The following FREM1 variants were observed in gnomAD, a reference collection of about 807,000 sequenced individuals.
FREM1 encodes the protein FRAS1-related extracellular matrix protein 1.
FREM1 carries 220 observed loss-of-function variants against 210.1 expected under a neutral mutation model. The observed-to-expected ratio is 1.05, with a 90% CI of 0.94 to 1.17. The LOEUF (loss-of-function observed/expected upper bound fraction) is 1.17, where lower values mean the gene tolerates loss of function less well. Among genes scored for constraint, FREM1 ranks in the 50% most tolerant of loss-of-function variants. The pLI is 0.00. For synonymous variants in FREM1, 1,189 were observed against 980.2 expected (o/e 1.21, Z -3.98); for missense variants, 3,454 against 2,675.5 (o/e 1.29, Z -6.42).
At chr9:14,774,063 A>T (rs137924956) in intron 25 of FREM1, 1 of 516,772 alleles carries the variant, frequency 1.9e-6, no homozygotes, top group Non-Finnish European at 3.9e-6. Context: ...AGTGCTTCTT[A>T]CTGTGTTCAC....
At position 14,746,820 on chromosome 9, in the gene FREM1, G is replaced by T. The variant is rs774185315; in HGVS notation, c.6138+103C>A. The T allele has an allele frequency of 2.2e-6, 3 of 1,340,582 alleles. No individual in the cohort carries two copies. In the South Asian group the frequency reaches 4.7e-5, roughly 21 times the overall value. 83.0% of individuals were successfully genotyped at this position (1,340,582 alleles called of 1,614,324 possible). On this transcript the variant is annotated intron_variant, in intron 34 of 36. Transcript: ENST00000380880. ...TTCAAGTTGTTAACAATGGCAGGAAGATGTAGCATGGGTTGAGTCATGCAC... is the reference window on the plus strand; with the variant it reads ...TTCAAGTTGTTAACAATGGCAGGAATATGTAGCATGGGTTGAGTCATGCAC...
At chr9:14,749,542 C>A (rs1442518021) in intron 30 of FREM1, among the ~76,000 whole-genome samples, 2 of 152,146 alleles carry the variant, frequency 1.3e-5, no homozygotes, top group African/African-American at 4.8e-5. Context: ...GGAAAAAAAT[C>A]AGAGCACCAA....
intron 1 of FREM1, among the ~76,000 whole-genome samples, chr9:14,883,515 G>A (rs1306189016): frequency 6.6e-6 from 1 of 152,130 alleles, no homozygotes; most frequent in Non-Finnish European, 1.5e-5. Context: ...TGGCATGGGA[G>A]GGGAAAGAGA....
In FREM1 at chr9:14,838,083, T is replaced by C. The variant is rs568465645; in HGVS notation, c.1881+3364A>G. On this transcript the variant is annotated intron_variant, in intron 10 of 36. Coordinates refer to ENST00000380880, the MANE Select transcript of FREM1 (RefSeq NM_001379081.2). ...GTGGCTGAGCTGAAGTTCTAGCCTT[T>C]TTTATGTCATAGAAAAAGCTTAATC... Among the ~76,000 whole-genome samples, 9 of 152,338 alleles carry C rather than the reference T, an allele frequency of 5.9e-5. No individual in the cohort carries two copies. In the South Asian group the frequency reaches 1.9e-3, roughly 32 times the overall value.
chr9:14,742,313 G>A (rs1443920696), intron 35 of FREM1, among the ~76,000 whole-genome samples: 3 of 152,040 alleles, frequency 2.0e-5, no homozygotes, highest in African/African-American at 7.2e-5. Flanking sequence ...GGCCAGCAGG[G>A]GTTCCAGACA....
chr9:14,883,510 T>C (rs980136209), intron 1 of FREM1, among the ~76,000 whole-genome samples: 3 of 151,892 alleles, frequency 2.0e-5, no homozygotes, highest in Non-Finnish European at 4.4e-5. Flanking sequence ...GAAGGTGGCA[T>C]GGGAGGGGAA....
Position 14,812,148 on chromosome 9 carries a change from T to C in FREM1, c.2893+664A>G, listed in dbSNP as rs1200884665. On this transcript the variant is annotated intron_variant, in intron 16 of 36. Transcript: ENST00000380880. ...GTCTTTCATAGCAGGGTCTAGGTCA[T>C]ATTCCTGTGTACCCCACAGTGCTTA... is the stretch of plus-strand genomic sequence containing the variant. Among the ~76,000 whole-genome samples, 3 of 152,320 alleles carry C rather than the reference T, an allele frequency of 2.0e-5. No homozygotes were observed. The East Asian group carries it at 5.8e-4, about 30-fold the overall frequency.
intron 5 of FREM1, among the ~76,000 whole-genome samples, chr9:14,853,595 C>G (rs1235716414): frequency 1.3e-5 from 2 of 152,088 alleles, no homozygotes; most frequent in African/African-American, 4.8e-5. Flanking sequence ...CAAATAAGAT[C>G]CCTCTCTCCC....
chr9:14,857,480 C>T (rs1159904265), intron 5 of FREM1, 73 bp downstream of exon 5: 1 of 1,262,274 alleles, frequency 7.9e-7, no homozygotes, highest in East Asian at 2.3e-5. Flanking sequence ...TGGGGGCGAG[C>T]ATGAGTAAGC....
At chr9:14,843,365 G>A (rs758334597) in intron 8 of FREM1, among the ~76,000 whole-genome samples, 4 of 152,142 alleles carry the variant, frequency 2.6e-5, no homozygotes, top group Non-Finnish European at 5.9e-5. Context: ...CAGCTTCCCT[G>A]GTTCTCGGGC....
At chr9:14,768,219 T>C (rs911505172) in intron 27 of FREM1, among the ~76,000 whole-genome samples, 45 of 151,440 alleles carry the variant, frequency 3.0e-4, no homozygotes, top group Middle Eastern at 3.2e-3. Context: ...ATTAGGTCAG[T>C]AGCAAGTCTG....
At chr9:14,769,493 C>T (rs757587342) in intron 27 of FREM1, among the ~76,000 whole-genome samples, 1 of 152,222 alleles carries the variant, frequency 6.6e-6, no homozygotes. Flanking sequence ...ATAATATGAA[C>T]GTCAACTTAG....
intron 10 of FREM1, among the ~76,000 whole-genome samples, chr9:14,828,646 G>GGGGGGGGT (rs1822952529): frequency 6.8e-6 from 1 of 147,072 alleles, no homozygotes; most frequent in African/African-American, 2.6e-5. Context: ...GGCGGGGCGG[G>GGGGGGGGT]GGAGGTGCCG....
chr9:14,886,674 T>A (rs1195835823), intron 1 of FREM1, among the ~76,000 whole-genome samples: 9 of 151,908 alleles, frequency 5.9e-5, no homozygotes, highest in Admixed American at 5.9e-4. Context: ...GGAAGGTGGA[T>A]GACTTGAGCC....
intron 7 of FREM1, 65 bp downstream of exon 7, chr9:14,848,600 G>T: frequency 2.2e-6 from 2 of 897,348 alleles, no homozygotes; most frequent in Non-Finnish European, 1.8e-6. Context: ...TTTCTTTCCT[G>T]ACCCATCTAC....
intron 3 of FREM1, among the ~76,000 whole-genome samples, chr9:14,860,904 C>CATATATATACGTAT (rs1419382535): frequency 2.7e-5 from 2 of 74,190 alleles, no homozygotes; most frequent in Admixed American, 1.5e-4. Flanking sequence ...CATATATACA[C>CATATATATACGTAT]ATATACACAT....
chr9:14,770,864 G>T (rs936829767), intron 25 of FREM1, 58 bp from the exon 26 acceptor site: 1 of 1,280,082 alleles, frequency 7.8e-7, no homozygotes, highest in Non-Finnish European at 1.1e-6. Context: ...CCCATGCAAC[G>T]TTGGGCTTTA....
rs1161492078 is a variant in FREM1 at position 14,747,583 on chromosome 9, A to T, written c.5844+98T>A. 8.8e-6 allele frequency: 9 copies of T among 1,017,368 alleles called. No individual in the cohort carries two copies. In the East Asian group the frequency reaches 2.5e-4, roughly 28 times the overall value. The allele number at this position is 1,017,368 out of a possible 1,614,324, so 63.0% of individuals were successfully genotyped here. A position where few individuals can be genotyped will look rare whatever the true frequency, so the allele number is the denominator to read the frequency against. The stretch of plus-strand genomic sequence containing the variant: ...CCTCTAATTTCAAAACAATTTTTTA[A>T]GAGAAATGTATAAATATAAAAAATA... On this transcript the variant is annotated intron_variant, in intron 32 of 36. Coordinates refer to ENST00000380880, the MANE Select transcript of FREM1 (RefSeq NM_001379081.2).
chr9:14,770,903 G>A (rs1169536210), intron 25 of FREM1, 97 bp from the exon 26 acceptor site: 7 of 823,528 alleles, frequency 8.5e-6, no homozygotes, highest in Middle Eastern at 7.1e-4. Flanking sequence ...ACTGTCCCAC[G>A]TTTTGGATTC....
Sources: gnomAD v4.1 joint callset for allele counts (sites outside exome capture counted in the v4.1 genomes callset) on GRCh38, gnomAD v4.1.1 for gene constraint, MANE v1.5 for transcripts, NCBI Gene and HGNC (gene_info 2026-07-23, HGNC 2026-07-21) for gene names.